Variants in PDE4B observed in about 807,000 individuals in gnomAD.
PDE4B encodes 3',5'-cyclic-AMP phosphodiesterase 4B.
In PDE4B, 20 loss-of-function variants were observed where a neutral mutation model predicts 82.2. The observed-to-expected ratio is 0.24, with a 90% CI of 0.17 to 0.35. The LOEUF (loss-of-function observed/expected upper bound fraction) is 0.35, where lower values mean the gene tolerates loss of function less well. Among genes scored for constraint, PDE4B ranks in the 10% least tolerant of loss-of-function variants. The pLI is 1.00. For synonymous variants in PDE4B, 320 were observed against 318.9 expected (o/e 1.00, Z -0.04); for missense variants, 655 against 907.2 (o/e 0.72, Z 3.57).
intron 1 of PDE4B, among the ~76,000 whole-genome samples, chr1:65,868,295 G>A (rs934051245): frequency 5.3e-5 from 8 of 151,928 alleles, no homozygotes; most frequent in East Asian, 1.9e-4. Flanking sequence ...ACTATGTTCC[G>A]GGCTCAGGGA....
In PDE4B at chr1:65,887,606, TG is replaced by T. The variant is rs1368164475; in HGVS notation, c.-70-25635del. ...CTAATTTTTGTATTTTTTGAAGAGA[TG>T]GGGTTTTGCCATGTTGCCCAGGCTG... On this transcript the variant is annotated intron_variant, in intron 1 of 16. Coordinates refer to ENST00000341517, the MANE Select transcript of PDE4B (RefSeq NM_002600.4). 6.6e-5 allele frequency among the ~76,000 whole-genome samples: 10 copies of T among 150,800 alleles called. 1 individual carries two copies. Among genetic ancestry groups the T allele is most frequent in the Admixed American group, 2.0e-4 (3 of 15,096 alleles).
At chr1:66,115,562 T>C (rs1159783609) in intron 3 of PDE4B, among the ~76,000 whole-genome samples, 1 of 152,250 alleles carries the variant, frequency 6.6e-6, no homozygotes, top group African/African-American at 2.4e-5. Flanking sequence ...AGGAAATTGA[T>C]AATATGTTAA....
rs190158671 is a variant in PDE4B at position 65,809,018 on chromosome 1, G to A, written c.-71+15770G>A. On this transcript the variant is annotated intron_variant, in intron 1 of 16. Coordinates refer to ENST00000341517, the MANE Select transcript of PDE4B (RefSeq NM_002600.4). ...TTTGAACATGTTATGTGGTGTGTGG[G>A]TAGATATTTAGTCTTTAGAAATGCA... Among the ~76,000 whole-genome samples the A allele has an allele frequency of 6.6e-5, 10 of 152,136 alleles. No individual in the cohort carries two copies. In the East Asian group the frequency reaches 1.9e-3, roughly 29 times the overall value.
chr1:66,114,227 C>T (rs1645546644), intron 3 of PDE4B, among the ~76,000 whole-genome samples: 1 of 152,128 alleles, frequency 6.6e-6, no homozygotes. Context: ...ACCTTGATCT[C>T]GGACTTCACA....
rs555660245 is a variant in PDE4B, at chr1:66,285,762, G to T, written c.634+19675G>T. 3.3e-5 allele frequency among the ~76,000 whole-genome samples: 5 copies of T among 152,116 alleles called. No homozygotes were observed. The East Asian group carries it at 5.8e-4, about 18-fold the overall frequency. On this transcript the variant is annotated intron_variant, in intron 7 of 16. Transcript: ENST00000341517. ...GCAGCAGTTGCCCAGACGGATTAGA[G>T]GAGTGACAGGAACCAAGAAAAGAGC...
chr1:65,872,180 T>C (rs1417215255), intron 1 of PDE4B, among the ~76,000 whole-genome samples: 1 of 152,174 alleles, frequency 6.6e-6, no homozygotes, highest in Non-Finnish European at 1.5e-5. Flanking sequence ...TTTCAGGAAA[T>C]GTGAAGTTTT....
rs58204108 is a variant in PDE4B, at chr1:65,877,616, AAAATAAAT to A, written c.-70-35595_-70-35588del. On this transcript the variant is annotated intron_variant, in intron 1 of 16. Transcript: ENST00000341517. ...GGCGATAGAGCAAGACTCTGTCTAA[AAAATAAAT>A]AAATAAATAAATAAATAAATAAATA... Among the ~76,000 whole-genome samples the A allele has an allele frequency of 6.1e-3, 904 of 147,808 alleles. 7 individuals are homozygous for A. The highest frequency in any genetic ancestry group is 0.021 in the South Asian group (95 of 4,632).
At chr1:66,204,540 G>A (rs754399163) in intron 3 of PDE4B, among the ~76,000 whole-genome samples, 2 of 152,202 alleles carry the variant, frequency 1.3e-5, no homozygotes, top group African/African-American at 2.4e-5. Context: ...AGCAAGCCTG[G>A]GCAATGGCAG....
intron 7 of PDE4B, among the ~76,000 whole-genome samples, chr1:66,331,422 T>C (rs770693269): frequency 4.6e-5 from 7 of 152,240 alleles, no homozygotes; most frequent in South Asian, 4.1e-4. Context: ...ATAAAGTTAT[T>C]TCAGTGCTTA....
intron 3 of PDE4B, among the ~76,000 whole-genome samples, chr1:66,033,730 A>G (rs1216243037): frequency 1.4e-5 from 2 of 147,340 alleles, no homozygotes; most frequent in African/African-American, 2.5e-5. Flanking sequence ...AAAAAAAATG[A>G]GAGGAGGAGA....
chr1:66,049,933 A>G (rs1654926472), intron 3 of PDE4B, among the ~76,000 whole-genome samples: 1 of 152,062 alleles, frequency 6.6e-6, no homozygotes, highest in Admixed American at 6.6e-5. Flanking sequence ...AACTGCTAGG[A>G]ATTAAAGTAG....
At position 65,927,233 on chromosome 1, in the gene PDE4B, T is replaced by C. The variant is rs1008729495; in HGVS notation, c.281+8398T>C. 4.0e-5 allele frequency among the ~76,000 whole-genome samples: 6 copies of C among 151,888 alleles called. 1 individual carries two copies. The highest frequency in any genetic ancestry group is 8.8e-5 in the Non-Finnish European group (6 of 67,916). On this transcript the variant is annotated intron_variant, in intron 3 of 16. Coordinates refer to ENST00000341517, the MANE Select transcript of PDE4B (RefSeq NM_002600.4). The stretch of plus-strand genomic sequence containing the variant: ...TGTTTAGTTTTTTCAAGCTAAACTT[T>C]CTTAACTATATAAAACATAACTGTT...
chr1:66,354,519 G>A, intron 8 of PDE4B: 5 of 1,102,594 alleles, frequency 4.5e-6, no homozygotes, highest in Non-Finnish European at 5.5e-6. Flanking sequence ...TCGGCCACCA[G>A]GGCTATTCAT....
At chr1:65,901,222 T>G (rs1646968831) in intron 1 of PDE4B, among the ~76,000 whole-genome samples, 1 of 152,180 alleles carries the variant, frequency 6.6e-6, no homozygotes. Flanking sequence ...ATATGGTTTT[T>G]GTTTTCAATT....
chr1:65,915,863 A>G (rs2100467286), intron 2 of PDE4B, among the ~76,000 whole-genome samples: 1 of 152,322 alleles, frequency 6.6e-6, no homozygotes, highest in South Asian at 2.1e-4. Context: ...GGGATTTTTC[A>G]TATTACCAGG....
rs140055735 is a variant in PDE4B, at chr1:65,898,736, A to G, written c.-70-14509A>G. ...GGAGAAAGGACACCCTTTTCAACAA[A>G]GGGTGCTGGGATAATTGGCTAGCCA... On this transcript the variant is annotated intron_variant, in intron 1 of 16. Coordinates refer to ENST00000341517, the MANE Select transcript of PDE4B (RefSeq NM_002600.4). Among the ~76,000 whole-genome samples the G allele has an allele frequency of 6.7e-3, 1,015 of 152,280 alleles. 12 individuals carry two copies. Among genetic ancestry groups the G allele is most frequent in the African/African-American group, 0.023 (958 of 41,570 alleles).
intron 3 of PDE4B, among the ~76,000 whole-genome samples, chr1:66,234,763 A>ATC (rs1281569270): frequency 6.6e-6 from 1 of 150,864 alleles, no homozygotes; most frequent in African/African-American, 2.4e-5. Flanking sequence ...GGCTTCACTG[A>ATC]TCTCTCTCTC....
At position 66,069,806 on chromosome 1, in the gene PDE4B, C is replaced by G. The variant is rs184612900; in HGVS notation, c.281+150971C>G. 7.2e-5 allele frequency among the ~76,000 whole-genome samples: 11 copies of G among 152,048 alleles called. No homozygotes were observed. The East Asian group carries it at 2.1e-3, about 29-fold the overall frequency. ...AGGAAATGAAAACTCTGTAAATTGG[C>G]CCTTCATTGTATCTCTCACTTAAAC... On this transcript the variant is annotated intron_variant, in intron 3 of 16. Transcript: ENST00000341517.
intron 3 of PDE4B, among the ~76,000 whole-genome samples, chr1:66,093,494 A>G (rs1416464367): frequency 6.6e-6 from 1 of 151,992 alleles, no homozygotes; most frequent in Non-Finnish European, 1.5e-5. Context: ...AGTGTAATAC[A>G]TTATATTTCC....
Sources: gnomAD v4.1 joint callset for allele counts (sites outside exome capture counted in the v4.1 genomes callset) on GRCh38, gnomAD v4.1.1 for gene constraint, MANE v1.5 for transcripts, NCBI Gene and HGNC (gene_info 2026-07-23, HGNC 2026-07-21) for gene names.